SLC6A5: variants seen among roughly 807,000 people sequenced by gnomAD.
SLC6A5 encodes the protein sodium- and chloride-dependent glycine transporter 2.
Under a neutral mutation model 90.5 loss-of-function variants are expected in SLC6A5, and 58 were observed. The observed-to-expected ratio is 0.64, with a 90% CI of 0.52 to 0.80. The LOEUF (loss-of-function observed/expected upper bound fraction) is 0.80. Ranked by LOEUF, SLC6A5 falls within the 30% of genes least tolerant of loss-of-function variation. SLC6A5 has a pLI of 0.00. For synonymous variants in SLC6A5, 427 were observed against 401.4 expected, an observed-to-expected ratio of 1.06 and a Z score of -0.76; for missense variants, 1,015 against 1,017.6, an observed-to-expected ratio of 1.00 and a Z score of 0.03.
chr11:20,599,870 G>A (rs866523463), intron 1 of SLC6A5, among the ~76,000 whole-genome samples, 195 bp downstream of exon 1: 1 of 152,264 alleles, frequency 6.6e-6, no homozygotes, highest in Middle Eastern at 3.4e-3. Context: ...GGTTTCCTAG[G>A]CTGTAGAGCT....
At chr11:20,652,518 C>CATG in intron 15 of SLC6A5, 62 bp downstream of exon 15, 1 of 1,498,726 alleles carries the variant, frequency 6.7e-7, no homozygotes, top group Non-Finnish European at 9.3e-7. Context: ...AAAAGCTCTG[C>CATG]ATGTTAAAAA....
intron 3 of SLC6A5, among the ~76,000 whole-genome samples, chr11:20,605,148 C>T (rs1852553832): frequency 6.6e-6 from 1 of 152,152 alleles, no homozygotes; most frequent in African/African-American, 2.4e-5. Flanking sequence ...TTCACGATCC[C>T]TCTGGCCCTC....
chr11:20,628,004 A>G lies in SLC6A5; in HGVS notation c.1420A>G (p.Ile474Val). The change falls in exon 9 of 16, where the codon ATT (isoleucine) becomes GTT (valine). Residue 474 changes from isoleucine to valine, a missense_variant. Coordinates refer to ENST00000525748, the MANE Select transcript of SLC6A5 (RefSeq NM_004211.5). Reference protein sequence around the residue: ...ATVWKDAATQIFFSLSAAWGG... With the variant: ...ATVWKDAATQVFFSLSAAWGG... The stretch of plus-strand genomic sequence containing the variant: ...GGTGTGGAAAGATGCTGCCACTCAG[A>G]TTTTCTTCTCTTTATCTGCTGCATG... 2 of 1,613,932 alleles carry G rather than the reference A, an allele frequency of 1.2e-6. No homozygotes were observed. Among genetic ancestry groups the G allele is most frequent in the Non-Finnish European group, 1.7e-6 (2 of 1,179,992 alleles).
intron 2 of SLC6A5, among the ~76,000 whole-genome samples, chr11:20,601,942 A>G (rs1852489100): frequency 6.6e-6 from 1 of 152,222 alleles, no homozygotes; most frequent in Non-Finnish European, 1.5e-5. Flanking sequence ...TCCACGAAAG[A>G]GTTGAGGAAG....
chr11:20,602,399 T>C (rs971537690), intron 2 of SLC6A5, among the ~76,000 whole-genome samples: 3 of 152,220 alleles, frequency 2.0e-5, no homozygotes, highest in Non-Finnish European at 2.9e-5. Flanking sequence ...TCCCAATCCT[T>C]GGGTTATGAA....
rs1211217926 is a variant in SLC6A5, at chr11:20,600,333, G to GA, written c.3+659dup. 4.8e-3 allele frequency among the ~76,000 whole-genome samples: 477 copies of GA among 100,324 alleles called. 22 individuals carry two copies. The East Asian group carries it at 0.067, about 14-fold the overall frequency. The allele number at this position is 100,324 out of a possible 152,430, so 65.8% of individuals were successfully genotyped here. A position where few individuals can be genotyped will look rare whatever the true frequency, so the allele number is the denominator to read the frequency against. ...TGAATAGTTACGCAAAAAAGAAGAA[G>GA]AGGAAGAAGAAGAAGAAGAAGAAGA... On this transcript the variant is annotated intron_variant, in intron 1 of 15. Transcript: ENST00000525748.
intron 14 of SLC6A5, among the ~76,000 whole-genome samples, chr11:20,648,367 A>G (rs913519581): frequency 2.6e-5 from 4 of 152,270 alleles, no homozygotes; most frequent in Admixed American, 2.6e-4. Context: ...TTTCTTTCTG[A>G]AAAGCTAGAA....
intron 13 of SLC6A5, 77 bp from the exon 14 acceptor site, chr11:20,646,757 C>T: frequency 2.1e-6 from 2 of 962,648 alleles, no homozygotes; most frequent in Non-Finnish European, 1.7e-6. Context: ...GAGTGAGGGG[C>T]TCTAGTGCCT....
intron 5 of SLC6A5, among the ~76,000 whole-genome samples, chr11:20,613,235 G>C (rs1481226031): frequency 1.3e-5 from 2 of 152,180 alleles, no homozygotes; most frequent in Admixed American, 1.3e-4. Context: ...CTCATAGGGG[G>C]TGGTGTGAGG....
In SLC6A5 at chr11:20,633,355, T is replaced by A. The variant is rs2133805496; in HGVS notation, c.1624+2540T>A. Among the ~76,000 whole-genome samples, 2 of 152,332 alleles carry A rather than the reference T, an allele frequency of 1.3e-5. 1 individual carries two copies. The highest frequency in any genetic ancestry group is 6.8e-3 in the Middle Eastern group (2 of 294). On this transcript the variant is annotated intron_variant, in intron 10 of 15. Transcript: ENST00000525748. ...GATACCTTACTAATCAAAATAAGCA[T>A]TCTCAAACAGCACTGATGTCCCACT... is the stretch of plus-strand genomic sequence containing the variant.
chr11:20,601,644 CG>C lies in SLC6A5; in HGVS notation c.520del (p.Val174TrpfsTer61). On this transcript the variant is annotated frameshift_variant, in exon 2 of 16. Transcript: ENST00000525748. LOFTEE classifies it high-confidence loss of function. ...GAATCACGTCCGTGCTCCCGGGCAGCGTGGCCACCGTTGCCACCCAGGTAAG... is the reference window on the plus strand; with the variant it reads ...GAATCACGTCCGTGCTCCCGGGCAGCTGGCCACCGTTGCCACCCAGGTAAG... ...DGITSVLPGSVATVATQEDEQ... is the reference protein window; with the variant it reads ...DGITSVLPGSXATVATQEDEQ... The C allele has an allele frequency of 6.2e-7, 1 of 1,613,866 alleles. No homozygotes were observed. Among genetic ancestry groups the C allele is most frequent in the Non-Finnish European group, 8.5e-7 (1 of 1,179,942 alleles).
At chr11:20,640,576 G>T (rs11605703) in intron 13 of SLC6A5, among the ~76,000 whole-genome samples, 19,870 of 152,084 alleles carry the variant, frequency 0.13, 1,396 homozygotes, top group Non-Finnish European at 0.17. Context: ...TCTGTGCTGG[G>T]CTCAGGTTGA....
At chr11:20,609,224 G>A (rs978746491) in intron 5 of SLC6A5, among the ~76,000 whole-genome samples, 14 of 151,986 alleles carry the variant, frequency 9.2e-5, no homozygotes, top group Non-Finnish European at 1.2e-4. Flanking sequence ...TGTTTCCTGC[G>A]AGTATATGAC....
chr11:20,643,225 CTCTT>C (rs575144419), intron 13 of SLC6A5, among the ~76,000 whole-genome samples: 114 of 135,886 alleles, frequency 8.4e-4, no homozygotes, highest in African/African-American at 2.8e-3. Context: ...GAATCTCTCT[CTCTT>C]TTTTTTTTTT....
At chr11:20,600,344 AG>A (rs1565268956) in intron 1 of SLC6A5, among the ~76,000 whole-genome samples, 1 of 60,492 alleles carries the variant, frequency 1.7e-5, no homozygotes, top group Admixed American at 2.0e-4. Flanking sequence ...AGGAAGAAGA[AG>A]AAGAAGAAGA....
At chr11:20,606,630 A>G (rs531315684) in intron 3 of SLC6A5, among the ~76,000 whole-genome samples, 3 of 152,134 alleles carry the variant, frequency 2.0e-5, no homozygotes, top group South Asian at 2.1e-4. Flanking sequence ...ATAAGATTTC[A>G]CCAACCTGAA....
chr11:20,606,686 C>A (rs1047850170), intron 3 of SLC6A5, among the ~76,000 whole-genome samples: 13 of 151,960 alleles, frequency 8.6e-5, no homozygotes, highest in Non-Finnish European at 1.2e-4. Flanking sequence ...TCTGGGAGGG[C>A]TTCATTTTGG....
Position 20,610,421 on chromosome 11 carries a change from C to T in SLC6A5, c.985+2769C>T, listed in dbSNP as rs147750045. Among the ~76,000 whole-genome samples the T allele has an allele frequency of 1.1e-4, 17 of 152,344 alleles. 1 individual carries two copies. In the East Asian group the frequency reaches 3.3e-3, roughly 29 times the overall value. On this transcript the variant is annotated intron_variant, in intron 5 of 15. Coordinates refer to ENST00000525748, the MANE Select transcript of SLC6A5 (RefSeq NM_004211.5). ...CTTGTGCTGCTGCGGCGGCAGTGAT[C>T]TACAGACATCCAGAGACGCTCTCTA...
chr11:20,609,007 C>T (rs1852644608), intron 5 of SLC6A5, among the ~76,000 whole-genome samples: 1 of 148,118 alleles, frequency 6.8e-6, no homozygotes, highest in Non-Finnish European at 1.5e-5. Context: ...GCAGGCTGAG[C>T]ATGTTGACTG....
Sources: gnomAD v4.1 joint callset for allele counts (sites outside exome capture counted in the v4.1 genomes callset) on GRCh38, gnomAD v4.1.1 for gene constraint, MANE v1.5 for transcripts, NCBI Gene and HGNC (gene_info 2026-07-23, HGNC 2026-07-21) for gene names.